CDYL2: variants seen among roughly 807,000 people sequenced by gnomAD.
CDYL2 encodes the protein chromodomain Y-like protein 2.
In CDYL2, 23 loss-of-function variants were observed where a neutral mutation model predicts 49.4. The ratio of observed to expected loss-of-function variants is 0.47; its 90% CI spans 0.34 to 0.66. CDYL2 has a LOEUF of 0.66. CDYL2 is among the 30% of genes least tolerant of loss of function. CDYL2 has a pLI of 0.01. For synonymous variants in CDYL2, 360 were observed against 268.8 expected, an observed-to-expected ratio of 1.34 and a Z score of -3.32; for missense variants, 678 against 656.4, an observed-to-expected ratio of 1.03 and a Z score of -0.36.
At chr16:80,720,861 T>C (rs1008389153) in intron 1 of CDYL2, among the ~76,000 whole-genome samples, 21 of 152,274 alleles carry the variant, frequency 1.4e-4, no homozygotes, top group African/African-American at 4.8e-4. Flanking sequence ...GCTTCAGAAA[T>C]TGAGCATGTG....
At chr16:80,711,502 G>A (rs748881552) in intron 1 of CDYL2, among the ~76,000 whole-genome samples, 13 of 152,114 alleles carry the variant, frequency 8.5e-5, no homozygotes, top group Non-Finnish European at 1.6e-4. Context: ...TTTCCCATAC[G>A]CAAAAGCTTT....
chr16:80,684,402 G>A (rs1357362859), intron 2 of CDYL2, 136 bp downstream of exon 2: 9 of 793,266 alleles, frequency 1.1e-5, no homozygotes, highest in Admixed American at 8.4e-5. Flanking sequence ...CTAGGTGAGA[G>A]AGATGAAGGG....
At chr16:80,633,281 G>T in intron 2 of CDYL2, 45 bp from the exon 3 acceptor site, 1 of 1,568,816 alleles carries the variant, frequency 6.4e-7, no homozygotes, top group Non-Finnish European at 8.7e-7. Flanking sequence ...AATGGACCAC[G>T]ATCCTAGAAG....
intron 2 of CDYL2, among the ~76,000 whole-genome samples, chr16:80,676,576 G>A (rs888922974): frequency 6.6e-6 from 1 of 152,198 alleles, no homozygotes; most frequent in Non-Finnish European, 1.5e-5. Context: ...GCAATGAACT[G>A]GGGTCAAGTT....
At chr16:80,780,350 G>T (rs984371900) in intron 1 of CDYL2, among the ~76,000 whole-genome samples, 1 of 150,990 alleles carries the variant, frequency 6.6e-6, no homozygotes, top group Admixed American at 6.6e-5. Context: ...TCCTATAACA[G>T]GATATGCAAG....
chr16:80,781,191 G>A (rs1478212575), intron 1 of CDYL2, among the ~76,000 whole-genome samples: 1 of 152,194 alleles, frequency 6.6e-6, no homozygotes, highest in East Asian at 1.9e-4. Flanking sequence ...AAAAGAACAT[G>A]CTAGAAAAGG....
chr16:80,753,947 G>T (rs933571985), intron 1 of CDYL2, among the ~76,000 whole-genome samples: 3 of 152,204 alleles, frequency 2.0e-5, no homozygotes, highest in Non-Finnish European at 4.4e-5. Context: ...AAAAAACCAG[G>T]TTTGTGGGAA....
intron 1 of CDYL2, among the ~76,000 whole-genome samples, chr16:80,689,215 T>C (rs1037675404): frequency 6.6e-6 from 1 of 152,196 alleles, no homozygotes; most frequent in Non-Finnish European, 1.5e-5. Flanking sequence ...TTACTCTCCA[T>C]GATCCCAGCT....
intron 1 of CDYL2, among the ~76,000 whole-genome samples, chr16:80,769,539 T>C (rs986452554): frequency 2.0e-5 from 3 of 152,208 alleles, no homozygotes; most frequent in African/African-American, 7.2e-5. Context: ...CTGCACTCAC[T>C]GATATTAGGC....
chr16:80,667,121 A>G (rs572906503), intron 2 of CDYL2, among the ~76,000 whole-genome samples: 1 of 152,318 alleles, frequency 6.6e-6, no homozygotes, highest in East Asian at 1.9e-4. Context: ...TTGCTGCTTG[A>G]GCCAGACCTG....
intron 2 of CDYL2, among the ~76,000 whole-genome samples, chr16:80,668,067 T>G (rs1909343489): frequency 6.6e-6 from 1 of 152,222 alleles, no homozygotes; most frequent in Middle Eastern, 3.2e-3. Context: ...TTACAAAGAC[T>G]GGCCCTAGCC....
intron 1 of CDYL2, among the ~76,000 whole-genome samples, chr16:80,791,683 G>A (rs550553948): frequency 8.2e-4 from 125 of 152,268 alleles, no homozygotes; most frequent in African/African-American, 2.8e-3. Flanking sequence ...TATGATTAAA[G>A]GAGAGAGCAC....
intron 1 of CDYL2, among the ~76,000 whole-genome samples, chr16:80,790,593 G>A (rs73583940): frequency 4.5e-4 from 69 of 152,276 alleles, no homozygotes; most frequent in African/African-American, 1.6e-3. Flanking sequence ...AAGCAAATTA[G>A]CAATGTAAAT....
intron 1 of CDYL2, among the ~76,000 whole-genome samples, chr16:80,800,072 T>C (rs780841464): frequency 5.7e-4 from 86 of 152,162 alleles, no homozygotes; most frequent in Non-Finnish European, 1.0e-3. Flanking sequence ...AGGTAAGCAC[T>C]CTCACAGGGA....
intron 2 of CDYL2, among the ~76,000 whole-genome samples, chr16:80,661,582 C>G (rs145479547): frequency 3.2e-4 from 48 of 152,300 alleles, no homozygotes; most frequent in African/African-American, 1.1e-3. Context: ...ACTCCAGCAT[C>G]TTGACCAAGC....
intron 6 of CDYL2, 152 bp from the exon 7 acceptor site, chr16:80,604,698 C>A: frequency 1.3e-6 from 1 of 745,552 alleles, no homozygotes; most frequent in Non-Finnish European, 2.2e-6. Flanking sequence ...CCCATGTTTC[C>A]AGCACGGCCA....
intron 1 of CDYL2, among the ~76,000 whole-genome samples, chr16:80,729,136 A>T (rs1028742885): frequency 6.6e-6 from 1 of 152,258 alleles, no homozygotes; most frequent in Non-Finnish European, 1.5e-5. Context: ...AAATGCTCCA[A>T]TTAAAAGACA....
intron 4 of CDYL2, among the ~76,000 whole-genome samples, chr16:80,613,331 C>G (rs1597123254): frequency 6.6e-6 from 1 of 152,184 alleles, no homozygotes; most frequent in East Asian, 1.9e-4. Context: ...TTCCTCATTC[C>G]TGGAGGTATT....
At chr16:80,712,121 GTATA>G (rs566004036) in intron 1 of CDYL2, among the ~76,000 whole-genome samples, 1 of 143,700 alleles carries the variant, frequency 7.0e-6, no homozygotes, top group Non-Finnish European at 1.5e-5. Flanking sequence ...GTATATATGT[GTATA>G]TATATGTGTG....
Sources: gnomAD v4.1 joint callset for allele counts (sites outside exome capture counted in the v4.1 genomes callset) on GRCh38, gnomAD v4.1.1 for gene constraint, MANE v1.5 for transcripts, NCBI Gene and HGNC (gene_info 2026-07-23, HGNC 2026-07-21) for gene names.